The following TMCO4 variants were observed in gnomAD, a reference collection of about 807,000 sequenced individuals.
TMCO4 encodes the protein transmembrane and coiled-coil domains 4, also known as transmembrane and coiled-coil domain-containing protein 4.
In TMCO4, 58 loss-of-function variants were observed where a neutral mutation model predicts 64.7. That is an observed-to-expected ratio of 0.90 (90% CI 0.73 to 1.12). TMCO4 has a LOEUF of 1.12. Ranked by LOEUF, TMCO4 falls within the 50% of genes most tolerant of loss-of-function variation. TMCO4 has a pLI of 0.00. For missense variants in TMCO4, 780 were observed against 825.9 expected, an observed-to-expected ratio of 0.94 and a Z score of 0.68; for synonymous variants, 325 against 346.1, an observed-to-expected ratio of 0.94 and a Z score of 0.68.
Position 19,684,541 on chromosome 1 carries a change from A to C in TMCO4, c.1501-1097T>G, listed in dbSNP as rs117384046. The stretch of plus-strand genomic sequence containing the variant: ...GGCTCTCAACTTCCTCCGCTGTAAA[A>C]AGGGGAACACAAGGGTAGTTTCACC... On this transcript the variant is annotated intron_variant, in intron 15 of 15. Coordinates refer to ENST00000294543, the MANE Select transcript of TMCO4 (RefSeq NM_181719.7). Among the ~76,000 whole-genome samples, 5 of 152,280 alleles carry C rather than the reference A, an allele frequency of 3.3e-5. No homozygotes were observed. In the East Asian group the frequency reaches 9.7e-4, roughly 29 times the overall value.
intron 6 of TMCO4, among the ~76,000 whole-genome samples, chr1:19,759,150 C>T (rs2100961744): frequency 6.7e-6 from 1 of 149,640 alleles, no homozygotes; most frequent in South Asian, 2.2e-4. Context: ...CACCCTGGGG[C>T]TCAGACCACA....
chr1:19,726,651 C>G (rs1017873962), intron 13 of TMCO4, among the ~76,000 whole-genome samples: 2 of 151,934 alleles, frequency 1.3e-5, no homozygotes, highest in African/African-American at 4.8e-5. Context: ...TTTAACTGTG[C>G]CTGGCACACA....
chr1:19,705,442 C>T (rs1315607507), intron 13 of TMCO4, among the ~76,000 whole-genome samples: 1 of 151,240 alleles, frequency 6.6e-6, no homozygotes, highest in Non-Finnish European at 1.5e-5. Context: ...CAGAGACAGA[C>T]TCCATCTCAA....
At chr1:19,720,630 C>T (rs1045543734) in intron 13 of TMCO4, among the ~76,000 whole-genome samples, 3 of 151,470 alleles carry the variant, frequency 2.0e-5, no homozygotes, top group Non-Finnish European at 4.4e-5. Context: ...AATGATGGGG[C>T]TTTGCATAAA....
chr1:19,731,391 A>G (rs1467043343), intron 13 of TMCO4, among the ~76,000 whole-genome samples: 1 of 152,220 alleles, frequency 6.6e-6, no homozygotes, highest in East Asian at 1.9e-4. Context: ...TATATGCATT[A>G]TTGCCTATAA....
At chr1:19,701,016 GT>G in intron 13 of TMCO4, 131 bp from the exon 14 acceptor site, 1 of 698,748 alleles carries the variant, frequency 1.4e-6, no homozygotes, top group East Asian at 2.7e-5. Flanking sequence ...GGACAATCAT[GT>G]GCAAATGTGC....
intron 13 of TMCO4, among the ~76,000 whole-genome samples, chr1:19,733,989 G>A (rs1276312337): frequency 1.3e-5 from 2 of 152,204 alleles, no homozygotes; most frequent in Non-Finnish European, 2.9e-5. Context: ...CATATGATGA[G>A]CTTAGAATTG....
At chr1:19,771,591 T>A in intron 4 of TMCO4, 109 bp from the exon 5 acceptor site, 1 of 1,072,060 alleles carries the variant, frequency 9.3e-7, no homozygotes, top group Non-Finnish European at 1.3e-6. Context: ...CGTGCCTGAC[T>A]TACTGACTGT....
At chr1:19,738,327 T>C (rs370845236) in intron 12 of TMCO4, 4 of 152,296 alleles carry the variant, frequency 2.6e-5, no homozygotes, top group East Asian at 3.8e-4. Context: ...CCTTTACTCC[T>C]GAGTTTGACT....
intron 10 of TMCO4, among the ~76,000 whole-genome samples, chr1:19,744,847 C>T (rs2041690863): frequency 6.6e-6 from 1 of 152,244 alleles, no homozygotes; most frequent in African/African-American, 2.4e-5. Flanking sequence ...GTTACTCGGT[C>T]TGTCTTCTAT....
intron 15 of TMCO4, among the ~76,000 whole-genome samples, chr1:19,685,270 G>T (rs993035110): frequency 6.6e-6 from 1 of 152,220 alleles, no homozygotes; most frequent in Non-Finnish European, 1.5e-5. Flanking sequence ...AGGCTGCAGT[G>T]AGCCCTGATT....
intron 15 of TMCO4, among the ~76,000 whole-genome samples, chr1:19,690,522 G>A (rs1346426239): frequency 6.6e-6 from 1 of 152,250 alleles, no homozygotes; most frequent in East Asian, 1.9e-4. Flanking sequence ...GTTTGGAGTG[G>A]TCAGCCAGAG....
At chr1:19,747,587 C>A (rs975919448) in intron 7 of TMCO4, among the ~76,000 whole-genome samples, 1 of 152,102 alleles carries the variant, frequency 6.6e-6, no homozygotes, top group African/African-American at 2.4e-5. Flanking sequence ...CCAGAAGAAG[C>A]ACAAAATAGA....
At chr1:19,721,891 C>T (rs139316066) in intron 13 of TMCO4, among the ~76,000 whole-genome samples, 2,841 of 152,298 alleles carry the variant, frequency 0.019, 66 homozygotes, top group Non-Finnish European at 0.023. Flanking sequence ...CCAGGTACTA[C>T]TAACCTTGGG....
At chr1:19,703,095 AC>A (rs759016952) in intron 13 of TMCO4, among the ~76,000 whole-genome samples, 5 of 152,242 alleles carry the variant, frequency 3.3e-5, no homozygotes, top group Non-Finnish European at 5.9e-5. Flanking sequence ...CCAGAACAGC[AC>A]CGGTTACAGA....
chr1:19,761,477 G>A (rs890159235), intron 6 of TMCO4, among the ~76,000 whole-genome samples: 4 of 152,194 alleles, frequency 2.6e-5, no homozygotes, highest in African/African-American at 9.7e-5. Flanking sequence ...GTATCCAGAG[G>A]TCCTTTCCAG....
chr1:19,767,145 T>C (rs2042773112), intron 6 of TMCO4, among the ~76,000 whole-genome samples: 1 of 152,248 alleles, frequency 6.6e-6, no homozygotes, highest in Admixed American at 6.5e-5. Flanking sequence ...GCCAACGTTT[T>C]GACTAACAGC....
At position 19,734,141 on chromosome 1, in the gene TMCO4, G is replaced by A. The variant is rs1021250676; in HGVS notation, c.1264+3231C>T. 3.9e-5 allele frequency among the ~76,000 whole-genome samples: 6 copies of A among 152,186 alleles called. No individual in the cohort carries two copies. Among genetic ancestry groups the A allele is most frequent in the Non-Finnish European group, 7.3e-5 (5 of 68,042 alleles). On this transcript the variant is annotated intron_variant, in intron 13 of 15. Transcript: ENST00000294543. This position sits in a 1 kb window ranked among gnomAD's most constrained non-coding sequence, Gnocchi z 4.4. ...AATGAGTAGGAATTATCTAGAAAAG[G>A]AGACAGAGAGGACGGACCAAGAGGG...
intron 6 of TMCO4, among the ~76,000 whole-genome samples, chr1:19,768,197 G>A (rs1435598288): frequency 1.3e-5 from 2 of 152,070 alleles, no homozygotes; most frequent in Non-Finnish European, 2.9e-5. Context: ...ACTGGAGGAC[G>A]AGATGAAATG....
Sources: allele counts gnomAD v4.1 joint callset (sites outside exome capture counted in the v4.1 genomes callset), GRCh38; gene constraint gnomAD v4.1.1; non-coding constraint Gnocchi (gnomAD v3.1); transcripts MANE v1.5; gene names NCBI Gene and HGNC (gene_info 2026-07-23, HGNC 2026-07-21).